The following BCR variants were observed in gnomAD, a reference collection of about 807,000 sequenced individuals.
BCR encodes BCR activator of RhoGEF and GTPase.
BCR carries 58 observed loss-of-function variants against 138.6 expected under a neutral mutation model. That is an observed-to-expected ratio of 0.42 (90% confidence interval 0.34 to 0.52). The LOEUF (loss-of-function observed/expected upper bound fraction) is 0.52. BCR is among the 20% of genes least tolerant of loss of function. The pLI is 0.06. For missense variants in BCR, 1,599 were observed against 1,727.2 expected (o/e 0.93, Z 1.32); for synonymous variants, 786 against 730.1 (o/e 1.08, Z -1.23).
intron 14 of BCR, 135 bp downstream of exon 14, chr22:23,290,548 G>A: frequency 2.2e-6 from 2 of 919,366 alleles, no homozygotes; most frequent in East Asian, 2.4e-5. Flanking sequence ...CCTGGCCGCT[G>A]TGGAGTGTTT....
chr22:23,287,145 G>A lies in BCR; in HGVS notation c.2407-14G>A, dbSNP rs745761932. 3 of 1,574,618 alleles carry A rather than the reference G, an allele frequency of 1.9e-6. No homozygotes were observed. Among genetic ancestry groups the A allele is most frequent in the Non-Finnish European group, 2.6e-6 (3 of 1,159,294 alleles). On this transcript the variant is annotated splice_polypyrimidine_tract_variant and intron_variant, in intron 10 of 22. Transcript: ENST00000305877. ...GCTGGAATGGGAAGGTGAGGCTGTG[G>A]CATCTCCCCACAGAGGGCGAACAAG...
chr22:23,315,469 A>G lies in BCR; in HGVS notation c.3763A>G (p.Ile1255Val). 8 of 1,613,194 alleles carry G rather than the reference A, an allele frequency of 5.0e-6. No homozygotes were observed. Among genetic ancestry groups the G allele is most frequent in the African/African-American group, 1.3e-5 (1 of 75,030 alleles). The change falls in exon 23 of 23, where the codon ATC (isoleucine) becomes GTC (valine). Residue 1255 changes from isoleucine to valine, a missense_variant. By Grantham distance (29) the Ile-to-Val change is conservative. Around this residue, in one of 4 missense-constraint regions of BCR, gnomAD observed 177 missense variants for 226.4 expected, o/e 0.78. Transcript: ENST00000305877. Reference sequence around the variant, plus strand: ...GCTGTACTTCCTGCAGCTGGAGGCCATCCCTGCCCCGGACAGCAAGAGACA... The same window carrying G: ...GCTGTACTTCCTGCAGCTGGAGGCCGTCCCTGCCCCGGACAGCAAGAGACA... The part of the protein sequence containing the change: ...VLLYFLQLEA[I>V]PAPDSKRQSI...
intron 1 of BCR, among the ~76,000 whole-genome samples, chr22:23,233,617 G>A (rs1393422554): frequency 5.3e-5 from 8 of 151,854 alleles, no homozygotes; most frequent in Non-Finnish European, 8.8e-5. Context: ...GTGAAACCCC[G>A]TCTTTGCTAA....
intron 4 of BCR, chr22:23,262,837 A>G: frequency 9.7e-7 from 1 of 1,027,894 alleles, no homozygotes; most frequent in Non-Finnish European, 1.2e-6. Flanking sequence ...AAGAGGAAGC[A>G]GGGCGGAAGG....
intron 1 of BCR, among the ~76,000 whole-genome samples, chr22:23,237,919 G>A (rs928150583): frequency 2.6e-5 from 4 of 152,256 alleles, no homozygotes; most frequent in Non-Finnish European, 2.9e-5. Context: ...GGAAAGGAGC[G>A]AAAGAGTGCG....
intron 1 of BCR, among the ~76,000 whole-genome samples, chr22:23,225,981 CACAA>C (rs1158422903): frequency 3.3e-5 from 5 of 152,226 alleles, no homozygotes; most frequent in African/African-American, 4.8e-5. Context: ...TGAAAAGCTA[CACAA>C]ACAAACTCCT....
intron 1 of BCR, among the ~76,000 whole-genome samples, chr22:23,229,055 A>C (rs1203834366): frequency 1.3e-5 from 2 of 151,648 alleles, no homozygotes; most frequent in African/African-American, 4.8e-5. Context: ...ATTTTTCTCC[A>C]TTTTTGTTTT....
rs147074101 is a variant in BCR, at chr22:23,193,252, C to G, written c.1279+11013C>G. On this transcript the variant is annotated intron_variant, in intron 1 of 22. Coordinates refer to ENST00000305877, the MANE Select transcript of BCR (RefSeq NM_004327.4). ...CTACAGGCAACATATGTTGACAGTG[C>G]AGACTTTGAAGGGAAAAGATCTGGA... is the stretch of plus-strand genomic sequence containing the variant. 3.2e-3 allele frequency among the ~76,000 whole-genome samples: 481 copies of G among 152,368 alleles called. 3 individuals are homozygous for G. The highest frequency in any genetic ancestry group is 0.011 in the African/African-American group (453 of 41,578).
In BCR at chr22:23,222,911, G is replaced by A. The variant is rs200812432; in HGVS notation, c.1280-30888G>A. Among the ~76,000 whole-genome samples the A allele has an allele frequency of 4.6e-5, 7 of 152,252 alleles. No individual in the cohort carries two copies. In the East Asian group the frequency reaches 7.7e-4, roughly 17 times the overall value. On this transcript the variant is annotated intron_variant, in intron 1 of 22. Transcript: ENST00000305877. ...TTTATAAACAAGAGAGATTTAGTGCGCACAGTTCTGGATTTGGGGAAGTTT... is the reference window on the plus strand; with the variant it reads ...TTTATAAACAAGAGAGATTTAGTGCACACAGTTCTGGATTTGGGGAAGTTT...
At chr22:23,311,541 G>A (rs2074007819) in intron 18 of BCR, among the ~76,000 whole-genome samples, 156 bp from the exon 19 acceptor site, 1 of 152,144 alleles carries the variant, frequency 6.6e-6, no homozygotes, top group Admixed American at 6.5e-5. Context: ...GCAGAGGGAG[G>A]ACAGGCATGC....
chr22:23,254,593 C>T (rs763185651), intron 2 of BCR: 2 of 518,924 alleles, frequency 3.9e-6, no homozygotes, highest in East Asian at 5.5e-5. Flanking sequence ...GAGAACGTAG[C>T]CCGGGCTGGT....
chr22:23,209,575 G>C (rs113247619), intron 1 of BCR, among the ~76,000 whole-genome samples: 1 of 139,866 alleles, frequency 7.1e-6, no homozygotes, highest in Non-Finnish European at 1.5e-5. Context: ...ATGGAGTCTC[G>C]CTCTGTTGCC....
intron 1 of BCR, among the ~76,000 whole-genome samples, chr22:23,234,838 G>A (rs563927177): frequency 6.9e-6 from 1 of 144,230 alleles, no homozygotes; most frequent in Admixed American, 7.0e-5. Flanking sequence ...CCGAACCCGT[G>A]TGCTGGACAG....
chr22:23,188,596 G>T (rs1007355879), intron 1 of BCR, among the ~76,000 whole-genome samples: 1 of 152,176 alleles, frequency 6.6e-6, no homozygotes, highest in Non-Finnish European at 1.5e-5. Flanking sequence ...TAGAGTGAAT[G>T]AATGGGCATC....
intron 7 of BCR, 127 bp from the exon 8 acceptor site, chr22:23,273,507 G>C: frequency 1.6e-6 from 2 of 1,285,210 alleles, no homozygotes; most frequent in East Asian, 4.7e-5. Context: ...CCAAGTGAGA[G>C]AGACTGTGGT....
intron 1 of BCR, among the ~76,000 whole-genome samples, chr22:23,220,012 G>C (rs561950858): frequency 6.6e-6 from 1 of 152,306 alleles, no homozygotes; most frequent in Admixed American, 6.5e-5. Context: ...CGAAGGACAC[G>C]GCCCCTTGGG....
At chr22:23,203,534 G>A (rs566897689) in intron 1 of BCR, among the ~76,000 whole-genome samples, 9 of 152,288 alleles carry the variant, frequency 5.9e-5, no homozygotes, top group Admixed American at 3.9e-4. Flanking sequence ...TGGGCTCCAC[G>A]GTAATTCCCG....
intron 1 of BCR, among the ~76,000 whole-genome samples, chr22:23,231,666 C>T (rs2072960502): frequency 6.6e-6 from 1 of 152,200 alleles, no homozygotes; most frequent in Non-Finnish European, 1.5e-5. Flanking sequence ...CTCCCTGACC[C>T]AGCTTGTGTG....
At chr22:23,307,182 A>G (rs67084985) in intron 16 of BCR, among the ~76,000 whole-genome samples, 27,110 of 152,106 alleles carry the variant, frequency 0.18, 2,800 homozygotes, top group Non-Finnish European at 0.23. Flanking sequence ...AGCAGTCTCC[A>G]CCTTCTAGCC....
Sources: allele counts gnomAD v4.1 joint callset (sites outside exome capture counted in the v4.1 genomes callset), GRCh38; gene constraint gnomAD v4.1.1; regional missense constraint gnomAD v4.1.1; transcripts MANE v1.5; gene names NCBI Gene and HGNC (gene_info 2026-07-23, HGNC 2026-07-21).